NEGR1: variants seen among roughly 807,000 people sequenced by gnomAD.
NEGR1 encodes the protein IgLON family member 4.
Under a neutral mutation model 40.9 loss-of-function variants are expected in NEGR1, and 10 were observed. The ratio of observed to expected loss-of-function variants is 0.24; its 90% CI spans 0.15 to 0.42. The LOEUF (loss-of-function observed/expected upper bound fraction) is 0.42. Among genes scored for constraint, NEGR1 ranks in the 10% least tolerant of loss-of-function variants. The pLI is 1.00. For synonymous variants in NEGR1, 185 were observed against 166.8 expected, an observed-to-expected ratio of 1.11 and a Z score of -0.84; for missense variants, 352 against 438.9, an observed-to-expected ratio of 0.80 and a Z score of 1.77.
At chr1:71,519,752 AAAAC>A (rs1238458510) in intron 6 of NEGR1, among the ~76,000 whole-genome samples, 22 of 150,592 alleles carry the variant, frequency 1.5e-4, no homozygotes, top group African/African-American at 5.2e-4. Flanking sequence ...AAATTAAAAA[AAAAC>A]AAAAAAAGAT....
intron 2 of NEGR1, among the ~76,000 whole-genome samples, chr1:71,812,704 A>C (rs577344654): frequency 6.6e-6 from 1 of 152,248 alleles, no homozygotes; most frequent in South Asian, 2.1e-4. Flanking sequence ...TATTTTGAGA[A>C]GTGTCTATTC....
chr1:71,880,467 A>G (rs755007062), intron 2 of NEGR1, among the ~76,000 whole-genome samples: 2 of 152,022 alleles, frequency 1.3e-5, no homozygotes, highest in Non-Finnish European at 2.9e-5. Context: ...AGGAACAAAG[A>G]TTCTTTGTGG....
At chr1:72,180,571 A>T (rs932744090) in intron 1 of NEGR1, among the ~76,000 whole-genome samples, 8 of 152,130 alleles carry the variant, frequency 5.3e-5, no homozygotes, top group South Asian at 2.1e-4. Flanking sequence ...ATATCTGATA[A>T]GGGGTTAATA....
intron 4 of NEGR1, among the ~76,000 whole-genome samples, chr1:71,645,009 T>C (rs1325034041): frequency 1.3e-5 from 2 of 151,976 alleles, no homozygotes; most frequent in Admixed American, 6.6e-5. Flanking sequence ...TCACACAATT[T>C]ACACATTTAT....
At chr1:71,794,227 T>TA (rs1657233902) in intron 2 of NEGR1, 1 of 152,156 alleles carries the variant, frequency 6.6e-6, no homozygotes, top group Non-Finnish European at 1.5e-5. Flanking sequence ...ATAAATGTGA[T>TA]ACAATTACAT....
rs1646213022 is a variant in NEGR1, at chr1:71,396,576, A to G, written c.*10870T>C. 6.6e-6 allele frequency: 1 copy of G among 152,238 alleles called. No homozygotes were observed. Among genetic ancestry groups the G allele is most frequent in the Admixed American group, 6.5e-5 (1 of 15,288 alleles). 9.4% of individuals were successfully genotyped at this position (152,238 alleles called of 1,614,324 possible). A position where few individuals can be genotyped will look rare whatever the true frequency, so the allele number is the denominator to read the frequency against. ...TGATATTGTTTGGCCATGTCCCCAC[A>G]CAAATCTCATTTTGAATTCCCACAT... is the stretch of plus-strand genomic sequence containing the variant. On this transcript the variant is annotated 3_prime_UTR_variant, in exon 7 of 7. Transcript: ENST00000357731.
In NEGR1 at chr1:72,016,979, A is replaced by G. The variant is rs150934656; in HGVS notation, c.177-81668T>C. On this transcript the variant is annotated intron_variant, in intron 1 of 6. Coordinates refer to ENST00000357731, the MANE Select transcript of NEGR1 (RefSeq NM_173808.3). ...ATTGCATTTGGTTTTAGATATTTAT[A>G]AGAATGACTATAACCCTTCACAGTC... Among the ~76,000 whole-genome samples, 960 of 152,344 alleles carry G rather than the reference A, an allele frequency of 6.3e-3. 15 individuals are homozygous for G. Among genetic ancestry groups the G allele is most frequent in the African/African-American group, 0.022 (917 of 41,582 alleles).
chr1:72,190,243 T>A (rs1338315158), intron 1 of NEGR1, among the ~76,000 whole-genome samples: 1 of 151,628 alleles, frequency 6.6e-6, no homozygotes, highest in East Asian at 1.9e-4. Context: ...AGAAAGTTAA[T>A]TTAACCCCTT....
Position 71,406,917 on chromosome 1 carries a change from T to C in NEGR1, c.*529A>G, listed in dbSNP as rs1646281280. The C allele has an allele frequency of 6.6e-6, 1 of 152,572 alleles. No homozygotes were observed. The highest frequency in any genetic ancestry group is 6.6e-5 in the Admixed American group (1 of 15,250). The allele number at this position is 152,572 out of a possible 1,614,324, so 9.5% of individuals were successfully genotyped here. On this transcript the variant is annotated 3_prime_UTR_variant, in exon 7 of 7. Coordinates refer to ENST00000357731, the MANE Select transcript of NEGR1 (RefSeq NM_173808.3). ...AAGGCTCATTCCTGAAACCTGAATA[T>C]CATGCGAGCAGAAAAATCTAGATAT...
At chr1:71,495,331 G>T (rs945706876) in intron 6 of NEGR1, among the ~76,000 whole-genome samples, 1 of 151,976 alleles carries the variant, frequency 6.6e-6, no homozygotes, top group Non-Finnish European at 1.5e-5. Context: ...TACAGAATTA[G>T]CCAGGCATGG....
intron 2 of NEGR1, among the ~76,000 whole-genome samples, chr1:71,829,371 A>G (rs1658757719): frequency 6.6e-6 from 1 of 151,954 alleles, no homozygotes. Context: ...CCAAATCTCA[A>G]TGCAATAAGC....
chr1:71,807,787 G>T (rs1360343062), intron 2 of NEGR1, among the ~76,000 whole-genome samples: 2 of 152,080 alleles, frequency 1.3e-5, no homozygotes, highest in South Asian at 2.1e-4. Context: ...CACTACAAAA[G>T]CTCATCTGCA....
At position 71,398,288 on chromosome 1, in the gene NEGR1, C is replaced by G; in HGVS notation, c.*9158G>C. 6.6e-6 allele frequency: 1 copy of G among 152,486 alleles called. No individual in the cohort carries two copies. Among genetic ancestry groups the G allele is most frequent in the East Asian group, 1.9e-4 (1 of 5,198 alleles). The allele number at this position is 152,486 out of a possible 1,614,324, so 9.4% of individuals were successfully genotyped here. On this transcript the variant is annotated 3_prime_UTR_variant, in exon 7 of 7. Coordinates refer to ENST00000357731, the MANE Select transcript of NEGR1 (RefSeq NM_173808.3). ...TCCACTAACAGCTTGCACCATGCAC[C>G]TGGAAAAGGCACAGACACTCAATGC...
intron 2 of NEGR1, among the ~76,000 whole-genome samples, chr1:71,859,089 C>A (rs1323764973): frequency 2.0e-5 from 3 of 152,050 alleles, no homozygotes; most frequent in Admixed American, 6.6e-5. Context: ...TCCAATGGCT[C>A]CCCAATTCAC....
intron 1 of NEGR1, among the ~76,000 whole-genome samples, chr1:72,088,142 T>G (rs569101567): frequency 6.6e-6 from 1 of 152,290 alleles, no homozygotes; most frequent in East Asian, 1.9e-4. Flanking sequence ...CTAATTAAAT[T>G]AATTTGGAGC....
At chr1:71,881,746 A>T (rs1373068772) in intron 2 of NEGR1, among the ~76,000 whole-genome samples, 1 of 152,118 alleles carries the variant, frequency 6.6e-6, no homozygotes, top group African/African-American at 2.4e-5. Context: ...CATGTGGCAG[A>T]CCACAAGTGA....
intron 1 of NEGR1, chr1:72,274,521 G>A (rs909791528): frequency 1.3e-5 from 9 of 676,412 alleles, no homozygotes; most frequent in South Asian, 1.0e-4. Context: ...TGTCTGTATC[G>A]GTATCCCAAT....
intron 1 of NEGR1, among the ~76,000 whole-genome samples, chr1:71,960,615 T>A (rs984302982): frequency 1.3e-5 from 2 of 152,206 alleles, no homozygotes; most frequent in South Asian, 4.1e-4. Flanking sequence ...TTTACTGTTA[T>A]TAGGTTTTTT....
chr1:71,451,582 C>A (rs1262647358), intron 6 of NEGR1, among the ~76,000 whole-genome samples: 1 of 152,044 alleles, frequency 6.6e-6, no homozygotes, highest in African/African-American at 2.4e-5. Flanking sequence ...GTGATCCCCC[C>A]ACCTCAGCCT....
Sources: allele counts gnomAD v4.1 joint callset (sites outside exome capture counted in the v4.1 genomes callset), GRCh38; gene constraint gnomAD v4.1.1; transcripts MANE v1.5; gene names NCBI Gene and HGNC (gene_info 2026-07-23, HGNC 2026-07-21).